The following RBPJ variants were observed in gnomAD, a reference collection of about 807,000 sequenced individuals.
RBPJ encodes recombining binding protein suppressor of hairless.
A neutral mutation model predicts 67.8 loss-of-function variants in RBPJ; 9 were observed. The ratio of observed to expected loss-of-function variants is 0.13; its 90% CI spans 0.08 to 0.23. The LOEUF (loss-of-function observed/expected upper bound fraction) is 0.23. Ranked by LOEUF, RBPJ falls within the 10% of genes least tolerant of loss-of-function variation. RBPJ has a pLI of 1.00. For missense variants in RBPJ, 305 were observed against 595.6 expected (o/e 0.51, Z 5.08); for synonymous variants, 198 against 203.3 (o/e 0.97, Z 0.22).
At chr4:26,189,985 A>G (rs989214190) in intron 1 of RBPJ, among the ~76,000 whole-genome samples, 1 of 152,214 alleles carries the variant, frequency 6.6e-6, no homozygotes, top group African/African-American at 2.4e-5. Context: ...AGATGCTGCC[A>G]TTCATAATAA....
In RBPJ at chr4:26,420,691, T is replaced by C. The variant is rs145833067; in HGVS notation, c.462T>C (p.Pro154=). 3.1e-4 allele frequency: 500 copies of C among 1,612,342 alleles called. No homozygotes were observed. Among genetic ancestry groups the C allele is most frequent in the Non-Finnish European group, 3.6e-4 (423 of 1,179,528 alleles). The change falls in exon 5 of 11, where the codon CCT becomes CCC. Residue 154 remains proline (P), a synonymous_variant. Coordinates refer to ENST00000355476, the MANE Select transcript of RBPJ (RefSeq NM_015874.6). ...AGCGGATAAAAGTCATCTCCAAACC[T>C]TCCAAAAAGAAGCAGTCATTGAAAA... ...LSKRIKVISK[P]SKKKQSLKNA...
At chr4:26,327,672 A>G (rs534338717) in intron 1 of RBPJ, among the ~76,000 whole-genome samples, 20 of 151,586 alleles carry the variant, frequency 1.3e-4, no homozygotes, top group African/African-American at 4.4e-4. Flanking sequence ...AAAAGTTTAC[A>G]TAACAGGAGA....
At chr4:26,348,181 G>A (rs796679365) in intron 1 of RBPJ, among the ~76,000 whole-genome samples, 24 of 152,110 alleles carry the variant, frequency 1.6e-4, no homozygotes, top group African/African-American at 5.5e-4. Context: ...GGCTGGTCTC[G>A]AACTCCTGAC....
At chr4:26,408,632 T>G (rs775173307) in intron 3 of RBPJ, among the ~76,000 whole-genome samples, 38 of 152,340 alleles carry the variant, frequency 2.5e-4, no homozygotes, top group Non-Finnish European at 3.8e-4. Flanking sequence ...AAGTGCTTTA[T>G]AAATATTTTA....
At chr4:26,157,152 G>T in the RBPJ span, among the ~76,000 whole-genome samples, 2 of 150,936 alleles carry the variant, frequency 1.3e-5, no homozygotes, top group Non-Finnish European at 2.9e-5. Context: ...AAATCCAGCA[G>T]GGTGAGGTGG....
chr4:26,353,640 T>A (rs1230112016), intron 1 of RBPJ, among the ~76,000 whole-genome samples: 2 of 149,662 alleles, frequency 1.3e-5, no homozygotes, highest in Non-Finnish European at 3.0e-5. Context: ...AGAGTCTTGC[T>A]CTGTCACACC....
At chr4:26,391,465 CCA>C (rs1731495441) in intron 2 of RBPJ, among the ~76,000 whole-genome samples, 2 of 152,032 alleles carry the variant, frequency 1.3e-5, no homozygotes, top group Admixed American at 1.3e-4. Flanking sequence ...AACCCACCCC[CCA>C]CACACAAAGT....
intron 1 of RBPJ, among the ~76,000 whole-genome samples, chr4:26,280,859 G>A (rs1415532529): frequency 1.3e-5 from 2 of 151,662 alleles, no homozygotes; most frequent in African/African-American, 2.4e-5. Flanking sequence ...TTTTTTTCAT[G>A]TTTGTTTACT....
chr4:26,371,235 T>G (rs924418492), intron 1 of RBPJ, among the ~76,000 whole-genome samples: 5 of 152,234 alleles, frequency 3.3e-5, no homozygotes, highest in Non-Finnish European at 7.3e-5. Flanking sequence ...AATAATGTAG[T>G]TTAATAGATA....
rs1721949774 is a variant in RBPJ at position 26,298,162 on chromosome 4, T to G, written c.-166-64284T>G. ...GAAAATAGCATGCTTTCCCTCATAT[T>G]TTTTTTCAAACACTAATCCTTGGGA... On this transcript the variant is annotated intron_variant, in intron 1 of 4. Coordinates refer to the RBPJ transcript ENST00000512351. Among the ~76,000 whole-genome samples, 3 of 152,280 alleles carry G rather than the reference T, an allele frequency of 2.0e-5. No homozygotes were observed. In the South Asian group the frequency reaches 6.2e-4, roughly 32 times the overall value.
chr4:26,224,189 GTACTCCCATT>G (rs982426901), intron 1 of RBPJ, among the ~76,000 whole-genome samples: 1 of 151,418 alleles, frequency 6.6e-6, no homozygotes, highest in African/African-American at 2.4e-5. Flanking sequence ...CCTTCCCCCT[GTACTCCCATT>G]TACTCCCATT....
the RBPJ span, among the ~76,000 whole-genome samples, chr4:26,116,295 C>G: frequency 6.6e-6 from 1 of 152,260 alleles, no homozygotes; most frequent in South Asian, 2.1e-4. Context: ...TCTATCATTG[C>G]TGCCTGCAGC....
chr4:26,135,596 C>T, the RBPJ span, among the ~76,000 whole-genome samples: 1 of 152,060 alleles, frequency 6.6e-6, no homozygotes, highest in African/African-American at 2.4e-5. Flanking sequence ...GAGGCTCTTT[C>T]CAGCCTGCCT....
At chr4:26,128,066 C>T in the RBPJ span, among the ~76,000 whole-genome samples, 1 of 152,234 alleles carries the variant, frequency 6.6e-6, no homozygotes, top group Non-Finnish European at 1.5e-5. Flanking sequence ...GGGGCCCCTG[C>T]TGCCTTTCAG....
the RBPJ span, among the ~76,000 whole-genome samples, chr4:26,150,878 G>T: frequency 6.6e-6 from 1 of 152,152 alleles, no homozygotes; most frequent in Non-Finnish European, 1.5e-5. Context: ...CTCTCCCATG[G>T]TTCAGTATGC....
At chr4:26,171,043 G>C (rs904241720) in intron 1 of RBPJ, among the ~76,000 whole-genome samples, 11 of 152,158 alleles carry the variant, frequency 7.2e-5, no homozygotes, top group African/African-American at 2.4e-4. Flanking sequence ...GTGATCTTGT[G>C]GCTTGAGCAT....
intron 1 of RBPJ, among the ~76,000 whole-genome samples, chr4:26,291,666 T>C (rs563595743): frequency 2.0e-5 from 3 of 150,038 alleles, no homozygotes; most frequent in South Asian, 4.2e-4. Context: ...AACCTCCGCC[T>C]CCTGGGTTCA....
At chr4:26,260,837 C>T (rs1720506019) in intron 1 of RBPJ, among the ~76,000 whole-genome samples, 1 of 152,172 alleles carries the variant, frequency 6.6e-6, no homozygotes, top group Non-Finnish European at 1.5e-5. Context: ...CCTCTGAACT[C>T]ACTGAATCTA....
intron 2 of RBPJ, among the ~76,000 whole-genome samples, chr4:26,402,661 G>T (rs1262444605): frequency 6.6e-6 from 1 of 152,112 alleles, no homozygotes; most frequent in East Asian, 1.9e-4. Context: ...ACCTGAGGCT[G>T]GTTTCAGTTC....
Sources: allele counts gnomAD v4.1 joint callset (sites outside exome capture counted in the v4.1 genomes callset), GRCh38; gene constraint gnomAD v4.1.1; transcripts MANE v1.5; gene names NCBI Gene and HGNC (gene_info 2026-07-23, HGNC 2026-07-21).